VWC2L: variants seen among roughly 807,000 people sequenced by gnomAD.
The protein encoded by VWC2L is von Willebrand factor C domain containing 2 like.
In VWC2L, 10 loss-of-function variants were observed where a neutral mutation model predicts 21.6. The ratio of observed to expected loss-of-function variants is 0.46; its 90% confidence interval spans 0.29 to 0.78. The LOEUF (loss-of-function observed/expected upper bound fraction) is 0.78, where lower values mean the gene tolerates loss of function less well. VWC2L is among the 30% of genes least tolerant of loss of function. The probability of loss-of-function intolerance (pLI) is 0.10; values close to 1 mark genes in which losing one functional copy is unlikely to be tolerated. For missense variants in VWC2L, 209 were observed against 277.1 expected (o/e 0.75, Z 1.74); for synonymous variants, 96 against 94.3 (o/e 1.02, Z -0.10).
chr2:214,494,706 T>C (rs1023282467), intron 3 of VWC2L, among the ~76,000 whole-genome samples: 1 of 152,144 alleles, frequency 6.6e-6, no homozygotes, highest in Non-Finnish European at 1.5e-5. Flanking sequence ...GTTGCCTACC[T>C]CAAGACTTGA....
intron 2 of VWC2L, among the ~76,000 whole-genome samples, chr2:214,435,290 C>A (rs1416813420): frequency 6.6e-6 from 1 of 152,170 alleles, no homozygotes; most frequent in Non-Finnish European, 1.5e-5. Flanking sequence ...TTAAACACAA[C>A]TCACCACATG....
intron 2 of VWC2L, among the ~76,000 whole-genome samples, chr2:214,426,515 T>C (rs1173789132): frequency 6.6e-6 from 1 of 152,210 alleles, no homozygotes; most frequent in Non-Finnish European, 1.5e-5. Flanking sequence ...ATACCAATAA[T>C]AGTTGGCAAT....
At chr2:214,423,931 T>C (rs904582374) in intron 2 of VWC2L, among the ~76,000 whole-genome samples, 1 of 151,858 alleles carries the variant, frequency 6.6e-6, no homozygotes, top group Admixed American at 6.6e-5. Flanking sequence ...TAGCAAACTC[T>C]CACCTCTCAC....
intron 3 of VWC2L, among the ~76,000 whole-genome samples, chr2:214,527,343 C>T (rs1331886620): frequency 6.6e-6 from 1 of 152,092 alleles, no homozygotes; most frequent in East Asian, 1.9e-4. Context: ...ACCTCAGTAT[C>T]ATGCAATATA....
intron 3 of VWC2L, among the ~76,000 whole-genome samples, chr2:214,476,499 A>C (rs1032917298): frequency 6.6e-6 from 1 of 152,154 alleles, no homozygotes; most frequent in Non-Finnish European, 1.5e-5. Flanking sequence ...TATTAAATCT[A>C]ACTTACCCGG....
At chr2:214,539,335 C>T (rs866295201) in intron 3 of VWC2L, among the ~76,000 whole-genome samples, 23 of 152,240 alleles carry the variant, frequency 1.5e-4, no homozygotes, top group South Asian at 2.1e-4. Context: ...ACACTTTTCA[C>T]GATTTCATTC....
Position 214,478,596 on chromosome 2 carries a change from A to G in VWC2L, c.520+41838A>G, listed in dbSNP as rs569260279. 8.5e-5 allele frequency among the ~76,000 whole-genome samples: 13 copies of G among 152,294 alleles called. No homozygotes were observed. In the East Asian group the frequency reaches 2.5e-3, roughly 29 times the overall value. Reference sequence around the variant, plus strand: ...AAAACCCAAAGTCACTGCTTTTCCTAGAGTTATCTCCTCTACCCACTACCA... The same window carrying G: ...AAAACCCAAAGTCACTGCTTTTCCTGGAGTTATCTCCTCTACCCACTACCA... On this transcript the variant is annotated intron_variant, in intron 3 of 3. Transcript: ENST00000312504.
intron 3 of VWC2L, among the ~76,000 whole-genome samples, chr2:214,451,404 G>A (rs1702953386): frequency 6.6e-6 from 1 of 151,798 alleles, no homozygotes; most frequent in South Asian, 2.1e-4. Context: ...GGCTGGAAAG[G>A]AAGGGTCAGA....
At chr2:214,451,317 G>GT (rs1014931588) in intron 3 of VWC2L, among the ~76,000 whole-genome samples, 3 of 149,212 alleles carry the variant, frequency 2.0e-5, no homozygotes, top group South Asian at 2.2e-4. Context: ...GTGGGGGGGG[G>GT]GGGCAGTAAA....
intron 3 of VWC2L, among the ~76,000 whole-genome samples, chr2:214,542,256 T>C (rs1189398920): frequency 6.6e-6 from 1 of 152,118 alleles, no homozygotes; most frequent in Non-Finnish European, 1.5e-5. Flanking sequence ...CCCACCAAGC[T>C]CTCAGACAGC....
At chr2:214,544,540 T>TTAC (rs1247417790) in intron 3 of VWC2L, among the ~76,000 whole-genome samples, 1 of 152,080 alleles carries the variant, frequency 6.6e-6, no homozygotes, top group Non-Finnish European at 1.5e-5. Context: ...GGTACGCTTG[T>TTAC]TACTCCCTGA....
At chr2:214,432,419 C>T (rs1702613926) in intron 2 of VWC2L, among the ~76,000 whole-genome samples, 1 of 152,122 alleles carries the variant, frequency 6.6e-6, no homozygotes, top group South Asian at 2.1e-4. Flanking sequence ...GCTGGAAGGC[C>T]TGAGTCATCA....
At chr2:214,574,298 G>A (rs901536506) in intron 3 of VWC2L, among the ~76,000 whole-genome samples, 1 of 152,158 alleles carries the variant, frequency 6.6e-6, no homozygotes, top group Non-Finnish European at 1.5e-5. Flanking sequence ...GTTACAGAGT[G>A]AAGAAAGGCA....
intron 3 of VWC2L, among the ~76,000 whole-genome samples, chr2:214,493,385 T>C (rs1688770572): frequency 6.6e-6 from 1 of 152,190 alleles, no homozygotes; most frequent in African/African-American, 2.4e-5. Context: ...TATTGGTTCA[T>C]ATAACTGAAA....
chr2:214,548,186 A>G (rs778401702), intron 3 of VWC2L, among the ~76,000 whole-genome samples: 2 of 152,146 alleles, frequency 1.3e-5, no homozygotes, highest in Non-Finnish European at 2.9e-5. Flanking sequence ...TACCAAAGCA[A>G]TTGCTAGTGT....
chr2:214,507,703 A>G (rs578229978), intron 3 of VWC2L, among the ~76,000 whole-genome samples: 2 of 152,328 alleles, frequency 1.3e-5, no homozygotes, highest in Non-Finnish European at 2.9e-5. Context: ...CTCTTAAACT[A>G]TAACATCATC....
At chr2:214,575,586 A>T in intron 3 of VWC2L, 86 bp from the exon 4 acceptor site, 1 of 1,485,584 alleles carries the variant, frequency 6.7e-7, no homozygotes, top group Non-Finnish European at 9.2e-7. Context: ...TTACTCATTT[A>T]TGGCTTTGGG....
intron 3 of VWC2L, among the ~76,000 whole-genome samples, chr2:214,486,935 A>G (rs1251123452): frequency 6.6e-6 from 1 of 152,220 alleles, no homozygotes; most frequent in Non-Finnish European, 1.5e-5. Flanking sequence ...CATTCCCAGC[A>G]TCTCAGAATG....
chr2:214,446,665 T>C (rs1702842096), intron 3 of VWC2L, among the ~76,000 whole-genome samples: 2 of 152,332 alleles, frequency 1.3e-5, no homozygotes, highest in South Asian at 2.1e-4. Flanking sequence ...TGGAAAATAC[T>C]TGGGGACTAT....
Sources: allele counts gnomAD v4.1 joint callset (sites outside exome capture counted in the v4.1 genomes callset), GRCh38; gene constraint gnomAD v4.1.1; transcripts MANE v1.5; gene names NCBI Gene and HGNC (gene_info 2026-07-23, HGNC 2026-07-21).